The following HMCN1 variants were observed in gnomAD, a reference collection of about 807,000 sequenced individuals.
The protein encoded by HMCN1 is hemicentin 1.
In HMCN1, 321 loss-of-function variants were observed where a neutral mutation model predicts 625.9. The ratio of observed to expected loss-of-function variants is 0.51; its 90% confidence interval spans 0.47 to 0.56. The LOEUF (loss-of-function observed/expected upper bound fraction) is 0.56, where lower values mean the gene tolerates loss of function less well. HMCN1 is among the 20% of genes least tolerant of loss of function. HMCN1 has a pLI of 0.00. For synonymous variants in HMCN1, 2,425 were observed against 2,417.6 expected (o/e 1.00, Z -0.09); for missense variants, 6,588 against 6,887.3 (o/e 0.96, Z 1.54).
chr1:186,161,163 A>G (rs1372734953), intron 97 of HMCN1, among the ~76,000 whole-genome samples: 1 of 149,542 alleles, frequency 6.7e-6, no homozygotes, highest in African/African-American at 2.4e-5. Context: ...TGATCCCTTT[A>G]CCATTATGTA....
chr1:186,029,614 C>T lies in HMCN1; in HGVS notation c.5749+6461C>T, dbSNP rs749186617. ...TCTGATTGTAGTAATTAGATCTTCT[C>T]GCTTTTGTTTATCTTAGTGTAGCTG... On this transcript the variant is annotated intron_variant, in intron 36 of 106. Transcript: ENST00000271588. Among the ~76,000 whole-genome samples the T allele has an allele frequency of 1.3e-3, 192 of 151,052 alleles. 1 individual carries two copies. The highest frequency in any genetic ancestry group is 2.4e-3 in the Non-Finnish European group (165 of 67,796).
chr1:186,171,314 G>A, intron 100 of HMCN1, 23 bp from the exon 101 acceptor site: 6 of 1,539,154 alleles, frequency 3.9e-6, no homozygotes, highest in Non-Finnish European at 5.4e-6. Flanking sequence ...AGCATATAAT[G>A]AAAGTTTTGT....
intron 1 of HMCN1, among the ~76,000 whole-genome samples, chr1:185,765,692 T>G (rs1655829308): frequency 6.6e-6 from 1 of 152,212 alleles, no homozygotes; most frequent in Non-Finnish European, 1.5e-5. Flanking sequence ...ACTTCATTCT[T>G]GAACAATAAT....
intron 48 of HMCN1, among the ~76,000 whole-genome samples, chr1:186,063,451 AAGGAAGGAAGGAAG>A (rs781154942): frequency 0.059 from 404 of 6,892 alleles, 5 homozygotes; most frequent in East Asian, 0.43. Context: ...ACGGAGAGAG[AAGGAAGGAAGGAAG>A]GAAGGAAGGA....
intron 4 of HMCN1, among the ~76,000 whole-genome samples, chr1:185,883,499 G>C (rs1313207200): frequency 6.6e-6 from 1 of 151,754 alleles, no homozygotes; most frequent in Non-Finnish European, 1.5e-5. Context: ...TCATATAAAT[G>C]GAAATTTTTG....
chr1:186,049,257 A>G (rs1022078319), intron 42 of HMCN1, among the ~76,000 whole-genome samples: 4 of 152,102 alleles, frequency 2.6e-5, no homozygotes, highest in Non-Finnish European at 4.4e-5. Context: ...TAGGATTACT[A>G]TGATAATCAG....
At chr1:186,022,671 A>T (rs750189524) in intron 35 of HMCN1, among the ~76,000 whole-genome samples, 3 of 151,918 alleles carry the variant, frequency 2.0e-5, no homozygotes, top group Non-Finnish European at 4.4e-5. Context: ...TTGTTTTAAA[A>T]CTATGAATTT....
intron 86 of HMCN1, among the ~76,000 whole-genome samples, chr1:186,133,414 T>G (rs721153): frequency 0.41 from 62,530 of 152,002 alleles, 13,459 homozygotes; most frequent in East Asian, 0.58. Context: ...GAGATTCTCA[T>G]GCTCATCAGG....
At chr1:185,743,696 T>G (rs578031717) in intron 1 of HMCN1, among the ~76,000 whole-genome samples, 1 of 152,334 alleles carries the variant, frequency 6.6e-6, no homozygotes, top group African/African-American at 2.4e-5. Context: ...TTCATCACTG[T>G]GGAGAATAGG....
At chr1:186,186,555 A>G (rs1426599829) in intron 105 of HMCN1, among the ~76,000 whole-genome samples, 1 of 152,086 alleles carries the variant, frequency 6.6e-6, no homozygotes, top group East Asian at 1.9e-4. Flanking sequence ...GAGAGCTAAG[A>G]CCATCGGTTT....
At chr1:186,061,606 T>A (rs1425049807) in intron 46 of HMCN1, among the ~76,000 whole-genome samples, 1 of 152,198 alleles carries the variant, frequency 6.6e-6, no homozygotes, top group East Asian at 1.9e-4. Flanking sequence ...GAAACAACAT[T>A]TCTTGCTTGC....
At chr1:186,068,465 G>A (rs1480607850) in intron 50 of HMCN1, among the ~76,000 whole-genome samples, 1 of 152,126 alleles carries the variant, frequency 6.6e-6, no homozygotes, top group Non-Finnish European at 1.5e-5. Flanking sequence ...GTCTTATATT[G>A]AGAAGAGGTA....
At chr1:186,163,860 T>G (rs1457802775) in intron 97 of HMCN1, among the ~76,000 whole-genome samples, 1 of 152,080 alleles carries the variant, frequency 6.6e-6, no homozygotes, top group Non-Finnish European at 1.5e-5. Context: ...AACCAAAGTA[T>G]CTCCCAAAAA....
At chr1:186,183,743 C>T (rs1238364802) in intron 105 of HMCN1, among the ~76,000 whole-genome samples, 2 of 152,098 alleles carry the variant, frequency 1.3e-5, no homozygotes, top group African/African-American at 2.4e-5. Context: ...AGGACTTGAC[C>T]TCAGATCTAT....
Position 186,145,509 on chromosome 1 carries a change from T to C in HMCN1, c.14373T>C (p.Asn4791=), listed in dbSNP as rs1650260871. 2.5e-5 allele frequency: 41 copies of C among 1,613,860 alleles called. No individual in the cohort carries two copies. The highest frequency in any genetic ancestry group is 3.2e-5 in the Non-Finnish European group (38 of 1,179,898). ...YRTCDNPPPS[N]GGRACGGPDS... ...CATGTGATAACCCTCCTCCCTCCAA[T>C]GGGGGAAGAGCTTGTGGGGGACCAG... The change falls in exon 92 of 107, where the codon AAT becomes AAC. Residue 4791 remains asparagine, a synonymous_variant. Transcript: ENST00000271588.
chr1:186,184,058 C>T (rs1653121381), intron 105 of HMCN1, among the ~76,000 whole-genome samples: 1 of 152,100 alleles, frequency 6.6e-6, no homozygotes, highest in Admixed American at 6.6e-5. Flanking sequence ...TAAATTGTGC[C>T]AGTTTCTTTT....
At chr1:185,816,439 C>G (rs1412388478) in intron 1 of HMCN1, among the ~76,000 whole-genome samples, 1 of 152,048 alleles carries the variant, frequency 6.6e-6, no homozygotes, top group African/African-American at 2.4e-5. Context: ...TATGCTCATC[C>G]CATTGTGATT....
At chr1:185,898,583 G>A (rs1665626578) in intron 4 of HMCN1, among the ~76,000 whole-genome samples, 1 of 152,000 alleles carries the variant, frequency 6.6e-6, no homozygotes. Context: ...AATGAACCCT[G>A]GTCCTAATAG....
intron 2 of HMCN1, among the ~76,000 whole-genome samples, chr1:185,856,410 A>T (rs571697909): frequency 4.5e-4 from 68 of 151,440 alleles, no homozygotes; most frequent in African/African-American, 1.6e-3. Context: ...GAATCTCTTG[A>T]GCACCAGAGG....
Sources: gnomAD v4.1 joint callset for allele counts (sites outside exome capture counted in the v4.1 genomes callset) on GRCh38, gnomAD v4.1.1 for gene constraint, MANE v1.5 for transcripts, NCBI Gene and HGNC (gene_info 2026-07-23, HGNC 2026-07-21) for gene names.